The following POMK variants were observed in gnomAD, a reference collection of about 807,000 sequenced individuals.
POMK encodes the protein protein O-mannose kinase.
A neutral mutation model predicts 23.0 loss-of-function variants in POMK; 19 were observed. The ratio of observed to expected loss-of-function variants is 0.83; its 90% confidence interval spans 0.58 to 1.21. The LOEUF is 1.21. Among genes scored for constraint, POMK ranks in the 50% most tolerant of loss-of-function variants. POMK has a pLI of 0.00. For missense variants in POMK, 410 were observed against 431.3 expected (o/e 0.95, Z 0.44); for synonymous variants, 173 against 171.6 (o/e 1.01, Z -0.06).
At chr8:43,112,564 C>T (rs565322840) in intron 4 of POMK, among the ~76,000 whole-genome samples, 34 of 151,258 alleles carry the variant, frequency 2.2e-4, no homozygotes, top group Non-Finnish European at 2.2e-4. Flanking sequence ...ATACAGAGAA[C>T]GCCACAAAGA....
intron 4 of POMK, among the ~76,000 whole-genome samples, chr8:43,110,501 G>A (rs1357189179): frequency 1.3e-5 from 2 of 152,172 alleles, no homozygotes; most frequent in African/African-American, 4.8e-5. Context: ...TCATGAATAC[G>A]TTCACAACTT....
At chr8:43,096,211 G>T (rs905491123) in intron 1 of POMK, among the ~76,000 whole-genome samples, 2 of 152,210 alleles carry the variant, frequency 1.3e-5, no homozygotes, top group African/African-American at 4.8e-5. Flanking sequence ...TTTGAGGAAA[G>T]CTCAGGGGCC....
At chr8:43,108,156 C>T (rs1811582145) in intron 4 of POMK, among the ~76,000 whole-genome samples, 1 of 152,122 alleles carries the variant, frequency 6.6e-6, no homozygotes, top group Non-Finnish European at 1.5e-5. Context: ...ACTTGGGGCT[C>T]CTGGGCCTGT....
intron 4 of POMK, among the ~76,000 whole-genome samples, chr8:43,117,287 G>T (rs1332158885): frequency 6.6e-6 from 1 of 152,154 alleles, no homozygotes; most frequent in Non-Finnish European, 1.5e-5. Flanking sequence ...GCTTGGCTTG[G>T]GCTCAGAAGC....
chr8:43,105,405 C>T (rs1380885704), intron 4 of POMK, among the ~76,000 whole-genome samples: 1 of 152,208 alleles, frequency 6.6e-6, no homozygotes, highest in Non-Finnish European at 1.5e-5. Flanking sequence ...CTTTTTTAAA[C>T]TTCTGCATAT....
chr8:43,107,658 TCA>T (rs1328674344), intron 4 of POMK, among the ~76,000 whole-genome samples: 2 of 150,344 alleles, frequency 1.3e-5, no homozygotes, highest in Non-Finnish European at 1.5e-5. Flanking sequence ...CAGGCATGAA[TCA>T]GTAATCACCT....
intron 4 of POMK, among the ~76,000 whole-genome samples, chr8:43,119,346 AAAT>A (rs1811863851): frequency 6.6e-6 from 1 of 152,198 alleles, no homozygotes; most frequent in African/African-American, 2.4e-5. Flanking sequence ...AAATTTAAAA[AAAT>A]CTTGAACTTT....
intron 4 of POMK, among the ~76,000 whole-genome samples, chr8:43,120,725 T>G (rs1811900571): frequency 6.6e-6 from 1 of 151,728 alleles, no homozygotes; most frequent in South Asian, 2.1e-4. Flanking sequence ...TTGCCCAGGC[T>G]GGAGCACAGT....
intron 4 of POMK, among the ~76,000 whole-genome samples, chr8:43,104,720 G>A (rs888796133): frequency 6.6e-6 from 1 of 152,094 alleles, no homozygotes; most frequent in South Asian, 2.1e-4. Context: ...GGAGGTGGGC[G>A]GATTACTTAA....
chr8:43,103,480 G>A (rs1038830410), intron 3 of POMK, 48 bp from the exon 4 acceptor site: 14 of 1,567,924 alleles, frequency 8.9e-6, no homozygotes, highest in Non-Finnish European at 1.2e-5. Context: ...GAAATGAAAG[G>A]AAGTGAAAGC....
intron 4 of POMK, among the ~76,000 whole-genome samples, chr8:43,109,914 T>A (rs925937237): frequency 6.6e-6 from 1 of 152,234 alleles, no homozygotes; most frequent in Non-Finnish European, 1.5e-5. Context: ...ACAAAACTGT[T>A]TTAAGAAAAC....
At chr8:43,103,089 C>T (rs1040394169) in intron 3 of POMK, among the ~76,000 whole-genome samples, 1 of 152,228 alleles carries the variant, frequency 6.6e-6, no homozygotes, top group Non-Finnish European at 1.5e-5. Flanking sequence ...AGGACAGCTG[C>T]TTAGCTGAGT....
chr8:43,111,704 G>T (rs1166154284), intron 4 of POMK, among the ~76,000 whole-genome samples: 1 of 152,168 alleles, frequency 6.6e-6, no homozygotes, highest in Admixed American at 6.5e-5. Context: ...ACACGGCCAG[G>T]TACTCCTCTG....
chr8:43,111,550 G>T (rs1393004803), intron 4 of POMK, among the ~76,000 whole-genome samples: 3 of 152,230 alleles, frequency 2.0e-5, no homozygotes, highest in Non-Finnish European at 4.4e-5. Context: ...AAATGTCCCT[G>T]TGTGACAGCT....
chr8:43,110,108 A>T (rs764387371), intron 4 of POMK, among the ~76,000 whole-genome samples: 1 of 152,258 alleles, frequency 6.6e-6, no homozygotes, highest in Non-Finnish European at 1.5e-5. Flanking sequence ...CTCTAAACTT[A>T]GGCAAGAAAT....
chr8:43,115,683 T>C (rs2130618098), intron 4 of POMK, among the ~76,000 whole-genome samples: 1 of 152,346 alleles, frequency 6.6e-6, no homozygotes, highest in East Asian at 1.9e-4. Context: ...GCTCCCTACC[T>C]CTTCAGTCTA....
intron 4 of POMK, among the ~76,000 whole-genome samples, chr8:43,105,254 T>C (rs1563337522): frequency 6.6e-6 from 1 of 152,224 alleles, no homozygotes; most frequent in Non-Finnish European, 1.5e-5. Context: ...AGTCATCCTA[T>C]GGTGCTATGA....
At chr8:43,116,936 A>T (rs1811812068) in intron 4 of POMK, among the ~76,000 whole-genome samples, 1 of 151,932 alleles carries the variant, frequency 6.6e-6, no homozygotes, top group Admixed American at 6.6e-5. Flanking sequence ...CCATTTTTAT[A>T]AGATTTGGGT....
chr8:43,106,529 T>G (rs1586672963), intron 4 of POMK, among the ~76,000 whole-genome samples: 1 of 148,706 alleles, frequency 6.7e-6, no homozygotes, highest in Admixed American at 6.7e-5. Context: ...TTTTTTTTTT[T>G]GACTGAGTCT....
Sources: gnomAD v4.1 joint callset for allele counts (sites outside exome capture counted in the v4.1 genomes callset) on GRCh38, gnomAD v4.1.1 for gene constraint, MANE v1.5 for transcripts, NCBI Gene and HGNC (gene_info 2026-07-23, HGNC 2026-07-21) for gene names.